Variants in DENND5A observed in about 807,000 individuals in gnomAD.
DENND5A encodes DENN domain-containing protein 5A.
In DENND5A, 64 loss-of-function variants were observed where a neutral mutation model predicts 140.3. The ratio of observed to expected loss-of-function variants is 0.46; its 90% CI spans 0.37 to 0.56. The LOEUF is 0.56. Among genes scored for constraint, DENND5A ranks in the 20% least tolerant of loss-of-function variants. The pLI, the probability that DENND5A is intolerant of heterozygous loss-of-function variation, is 0.00. For synonymous variants in DENND5A, 605 were observed against 607.7 expected, an observed-to-expected ratio of 1.00 and a Z score of 0.07; for missense variants, 1,292 against 1,593.8, an observed-to-expected ratio of 0.81 and a Z score of 3.22.
In DENND5A at chr11:9,204,306, C is replaced by T. The variant is rs1188266082; in HGVS notation, c.303G>A (p.Pro101=). 9 of 1,609,868 alleles carry T rather than the reference C, an allele frequency of 5.6e-6. No homozygotes were observed. The highest frequency in any genetic ancestry group is 2.7e-5 in the African/African-American group (2 of 74,870). Reference sequence around the variant, plus strand: ...CCTGGGTCTTGAATGCCAGCCCTTTCGGCATACATAGCTGCAAAAGACAAC... The same window carrying T: ...CCTGGGTCTTGAATGCCAGCCCTTTTGGCATACATAGCTGCAAAAGACAAC... ...DQDAVGMLCM[P]KGLAFKTQAD... Residue 101 remains proline (P), a synonymous_variant, in exon 4 of 23, where the codon CCG becomes CCA. Coordinates refer to ENST00000328194, the MANE Select transcript of DENND5A (RefSeq NM_015213.4).
At chr11:9,187,758 A>G (rs1848967892) in intron 5 of DENND5A, among the ~76,000 whole-genome samples, 1 of 152,318 alleles carries the variant, frequency 6.6e-6, no homozygotes, top group African/African-American at 2.4e-5. Flanking sequence ...ACGAAGCTCC[A>G]AAGAGAAGCC....
chr11:9,206,629 T>C, intron 3 of DENND5A, 44 bp downstream of exon 3: 1 of 1,375,554 alleles, frequency 7.3e-7, no homozygotes, highest in Non-Finnish European at 1.0e-6. Flanking sequence ...CTATTATAAA[T>C]TACTCTGTAA....
chr11:9,150,837 A>T (rs1009071041), intron 13 of DENND5A, 73 bp from the exon 14 acceptor site: 2 of 869,912 alleles, frequency 2.3e-6, no homozygotes, highest in African/African-American at 3.4e-5. Flanking sequence ...CCCTTACCTT[A>T]AATCACAAAT....
chr11:9,243,707 G>C (rs1005454358), intron 1 of DENND5A, among the ~76,000 whole-genome samples: 2 of 152,132 alleles, frequency 1.3e-5, no homozygotes, highest in East Asian at 3.8e-4. Context: ...CCAATATGGT[G>C]AAACCCTGTC....
chr11:9,144,025 A>G, intron 19 of DENND5A, 72 bp downstream of exon 19: 1 of 1,519,452 alleles, frequency 6.6e-7, no homozygotes, highest in Non-Finnish European at 8.8e-7. Context: ...GGTTCCCATT[A>G]TCAGGGCTCA....
chr11:9,216,174 T>C (rs1850087131), intron 1 of DENND5A, among the ~76,000 whole-genome samples: 1 of 152,248 alleles, frequency 6.6e-6, no homozygotes, highest in Admixed American at 6.5e-5. Flanking sequence ...AACAATTTAC[T>C]GAGTCTTGTG....
chr11:9,155,289 G>A (rs1847766614), intron 12 of DENND5A, among the ~76,000 whole-genome samples: 1 of 152,176 alleles, frequency 6.6e-6, no homozygotes, highest in South Asian at 2.1e-4. Flanking sequence ...AGGCTCCCCA[G>A]CATCTAGGCA....
chr11:9,218,694 G>C (rs758042269), intron 1 of DENND5A, among the ~76,000 whole-genome samples: 3 of 152,136 alleles, frequency 2.0e-5, no homozygotes, highest in Non-Finnish European at 4.4e-5. Flanking sequence ...GGGTGACAGA[G>C]TGAAACTTTG....
chr11:9,189,080 T>C (rs1849019372), intron 5 of DENND5A, among the ~76,000 whole-genome samples: 1 of 152,168 alleles, frequency 6.6e-6, no homozygotes, highest in African/African-American at 2.4e-5. Flanking sequence ...CCCCATGCTG[T>C]GTGCAGCCTA....
rs1486887872 is a variant in DENND5A, at chr11:9,152,371, G to A, written c.2508C>T (p.Ser836=). 6.2e-7 allele frequency: 1 copy of A among 1,611,924 alleles called. No homozygotes were observed. The highest frequency in any genetic ancestry group is 1.7e-5 in the Admixed American group (1 of 60,032). The change falls in exon 13 of 23, where the codon AGC becomes AGT. Residue 836 remains serine (S), a synonymous_variant. Coordinates refer to ENST00000328194, the MANE Select transcript of DENND5A (RefSeq NM_015213.4). ...DNRQRKLTSG[S]LSTSGILLDS... is the part of the protein sequence containing the mutation. ...AGACTATCTTACCTGAGGTACTGAG[G>A]CTTCCTGATGTGAGTTTTCTCTGCC... is the stretch of plus-strand genomic sequence containing the variant.
chr11:9,206,606 T>G, intron 3 of DENND5A, 67 bp downstream of exon 3: 1 of 1,175,584 alleles, frequency 8.5e-7, no homozygotes, highest in Non-Finnish European at 1.3e-6. Flanking sequence ...TACCACAGCC[T>G]GAACTCACAA....
intron 5 of DENND5A, among the ~76,000 whole-genome samples, chr11:9,188,442 G>C (rs974635500): frequency 6.6e-6 from 1 of 152,172 alleles, no homozygotes; most frequent in African/African-American, 2.4e-5. Flanking sequence ...CAAAAATGTG[G>C]AAGCAACATT....
At position 9,200,711 on chromosome 11, in the gene DENND5A, C is replaced by T. The variant is rs186904833; in HGVS notation, c.949+2949G>A. ...CTATATCCAGAACCCAACCATTCCA[C>T]ACCACTTCACTGTTATCTCCTTAGT... On this transcript the variant is annotated intron_variant, in intron 4 of 22. Coordinates refer to ENST00000328194, the MANE Select transcript of DENND5A (RefSeq NM_015213.4). Among the ~76,000 whole-genome samples the T allele has an allele frequency of 2.2e-4, 34 of 152,334 alleles. No homozygotes were observed. In the East Asian group the frequency reaches 4.2e-3, roughly 19 times the overall value.
intron 1 of DENND5A, among the ~76,000 whole-genome samples, chr11:9,239,211 T>C (rs1851132298): frequency 2.0e-5 from 3 of 152,006 alleles, no homozygotes; most frequent in African/African-American, 7.2e-5. Flanking sequence ...ATTTATTTAT[T>C]TAAGAGACAG....
chr11:9,181,128 A>G (rs757741427), intron 5 of DENND5A, 44 bp from the exon 6 acceptor site: 3 of 1,549,104 alleles, frequency 1.9e-6, no homozygotes, highest in African/African-American at 2.8e-5. Context: ...ACTCCAGAGC[A>G]TTACAGGAAG....
chr11:9,180,650 A>G, intron 6 of DENND5A, 117 bp downstream of exon 6: 1 of 986,388 alleles, frequency 1.0e-6, no homozygotes, highest in Non-Finnish European at 1.5e-6. Flanking sequence ...ACATTCTTTC[A>G]CTGCTCACAA....
At chr11:9,176,965 G>A (rs1240190671) in intron 8 of DENND5A, 1 of 455,422 alleles carries the variant, frequency 2.2e-6, no homozygotes, top group East Asian at 6.9e-5. Context: ...ATAAAAGTGG[G>A]AAAAATAGGC....
chr11:9,233,279 A>T (rs1850849918), intron 1 of DENND5A, among the ~76,000 whole-genome samples: 1 of 151,874 alleles, frequency 6.6e-6, no homozygotes, highest in African/African-American at 2.4e-5. Flanking sequence ...GGTGCCTGTA[A>T]TCCCAGCTAC....
chr11:9,246,056 G>A (rs1358074965), intron 1 of DENND5A, among the ~76,000 whole-genome samples: 1 of 151,970 alleles, frequency 6.6e-6, no homozygotes, highest in African/African-American at 2.4e-5. Context: ...CCCTTTTTTA[G>A]GGCCTGCAGA....
Sources: allele counts gnomAD v4.1 joint callset (sites outside exome capture counted in the v4.1 genomes callset), GRCh38; gene constraint gnomAD v4.1.1; transcripts MANE v1.5; gene names NCBI Gene and HGNC (gene_info 2026-07-23, HGNC 2026-07-21).